HEPHL1: variants seen among roughly 807,000 people sequenced by gnomAD.
HEPHL1 encodes hephaestin like 1, also known as ferroxidase HEPHL1.
Under a neutral mutation model 122.0 loss-of-function variants are expected in HEPHL1, and 123 were observed. The observed-to-expected ratio is 1.01, with a 90% CI of 0.87 to 1.17. HEPHL1 has a LOEUF of 1.17. Among genes scored for constraint, HEPHL1 ranks in the 50% most tolerant of loss-of-function variants. HEPHL1 has a pLI of 0.00. For synonymous variants in HEPHL1, 527 were observed against 508.9 expected (o/e 1.04, Z -0.48); for missense variants, 1,452 against 1,430.5 (o/e 1.01, Z -0.24).
At chr11:94,061,900 G>A (rs553460687) in intron 2 of HEPHL1, among the ~76,000 whole-genome samples, 10 of 152,036 alleles carry the variant, frequency 6.6e-5, no homozygotes, top group Middle Eastern at 3.4e-3. Context: ...TTCTCTTAAT[G>A]AACTAGTAAG....
At chr11:94,093,347 A>G (rs16919934) in intron 12 of HEPHL1, among the ~76,000 whole-genome samples, 154 bp from the exon 13 acceptor site, 3,673 of 152,174 alleles carry the variant, frequency 0.024, 155 homozygotes, top group African/African-American at 0.084. Flanking sequence ...CCTCACTCCC[A>G]GAAAGTATGG....
At chr11:94,039,804 T>G (rs1280309174) in intron 1 of HEPHL1, among the ~76,000 whole-genome samples, 10 of 138,912 alleles carry the variant, frequency 7.2e-5, no homozygotes, top group African/African-American at 1.4e-4. Context: ...ACATCACAAT[T>G]AAAAGAACTA....
At chr11:94,094,737 C>T (rs1354062821) in intron 13 of HEPHL1, among the ~76,000 whole-genome samples, 9 of 152,160 alleles carry the variant, frequency 5.9e-5, no homozygotes, top group Non-Finnish European at 1.2e-4. Context: ...ATTTGCATTT[C>T]TCTGATGGCC....
At chr11:94,086,212 A>C in intron 11 of HEPHL1, 23 bp downstream of exon 11, 25 of 1,559,738 alleles carry the variant, frequency 1.6e-5, no homozygotes, top group Middle Eastern at 1.9e-4. Flanking sequence ...GGTCCATCTC[A>C]GGTGACCAGA....
In HEPHL1 at chr11:94,068,320, C is replaced by T. The variant is rs551998017; in HGVS notation, c.1063+570C>T. ...AATCCCCCCTCGAATTATTTAATTTCGTTTTGAACATCTCTTGTGAGTAGT... is the reference window on the plus strand; with the variant it reads ...AATCCCCCCTCGAATTATTTAATTTTGTTTTGAACATCTCTTGTGAGTAGT... On this transcript the variant is annotated intron_variant, in intron 5 of 19. Coordinates refer to ENST00000315765, the MANE Select transcript of HEPHL1 (RefSeq NM_001098672.2). Among the ~76,000 whole-genome samples, 33 of 152,262 alleles carry T rather than the reference C, an allele frequency of 2.2e-4. 1 individual carries two copies. The South Asian group carries it at 6.0e-3, about 28-fold the overall frequency.
rs1946462351 is a variant in HEPHL1 at position 94,112,831 on chromosome 11, A to C, written c.*937A>C. On this transcript the variant is annotated 3_prime_UTR_variant, in exon 20 of 20. Coordinates refer to ENST00000315765, the MANE Select transcript of HEPHL1 (RefSeq NM_001098672.2). ...TTGGAGTCTGATTTTTCATTCAGTT[A>C]GAGGGAATCTTTACAAGTCCTCATC... 6.6e-6 allele frequency: 1 copy of C among 152,216 alleles called. No homozygotes were observed. The allele number at this position is 152,216 out of a possible 1,614,324, so 9.4% of individuals were successfully genotyped here. A position where few individuals can be genotyped will look rare whatever the true frequency, so the allele number is the denominator to read the frequency against.
intron 13 of HEPHL1, among the ~76,000 whole-genome samples, chr11:94,094,314 CA>C (rs1278946649): frequency 2.0e-5 from 3 of 151,948 alleles, no homozygotes; most frequent in African/African-American, 4.8e-5. Context: ...TATGTCCCTA[CA>C]AAGGACATGA....
intron 2 of HEPHL1, among the ~76,000 whole-genome samples, chr11:94,061,760 T>A (rs1436619516): frequency 6.6e-6 from 1 of 152,212 alleles, no homozygotes; most frequent in African/African-American, 2.4e-5. Flanking sequence ...TTAAAAAGAA[T>A]GTTTTTGCAT....
At chr11:94,090,786 A>G (rs1565359505) in intron 12 of HEPHL1, among the ~76,000 whole-genome samples, 2 of 152,164 alleles carry the variant, frequency 1.3e-5, no homozygotes, top group Admixed American at 1.3e-4. Flanking sequence ...GTAGGAGCCC[A>G]TCTGGTTTTT....
chr11:94,098,140 G>T (rs895200977), intron 13 of HEPHL1, among the ~76,000 whole-genome samples: 7 of 152,176 alleles, frequency 4.6e-5, no homozygotes, highest in East Asian at 1.9e-4. Flanking sequence ...GCATGTTTTT[G>T]CAGTGGCTGG....
At chr11:94,036,635 G>C (rs531286717) in intron 1 of HEPHL1, among the ~76,000 whole-genome samples, 2 of 152,082 alleles carry the variant, frequency 1.3e-5, no homozygotes, top group South Asian at 2.1e-4. Flanking sequence ...AGGAGATTGA[G>C]ACCATCCTGG....
At chr11:94,057,541 T>C (rs1317918647) in intron 2 of HEPHL1, among the ~76,000 whole-genome samples, 1 of 152,150 alleles carries the variant, frequency 6.6e-6, no homozygotes, top group Non-Finnish European at 1.5e-5. Flanking sequence ...TTCTTGAATA[T>C]ATTGTTGAGC....
intron 1 of HEPHL1, among the ~76,000 whole-genome samples, chr11:94,027,250 T>C (rs550596682): frequency 6.6e-6 from 1 of 152,336 alleles, no homozygotes; most frequent in Non-Finnish European, 1.5e-5. Flanking sequence ...TAATCCAGGA[T>C]GATCTCCCCA....
chr11:94,080,051 C>T (rs1946157388), intron 9 of HEPHL1, among the ~76,000 whole-genome samples: 1 of 152,188 alleles, frequency 6.6e-6, no homozygotes, highest in Admixed American at 6.5e-5. Flanking sequence ...AACTATACAA[C>T]AAGGCTACAG....
chr11:94,024,238 T>A (rs1406435752), intron 1 of HEPHL1, among the ~76,000 whole-genome samples: 1 of 152,212 alleles, frequency 6.6e-6, no homozygotes, highest in Non-Finnish European at 1.5e-5. Flanking sequence ...TCCAGAGACC[T>A]AACTTCTAAT....
Position 94,111,028 on chromosome 11 carries a change from TG to T in HEPHL1, c.3173del (p.Gly1058AlafsTer12). The T allele has an allele frequency of 6.2e-7, 1 of 1,606,962 alleles. No individual in the cohort carries two copies. Among genetic ancestry groups the T allele is most frequent in the Non-Finnish European group, 8.5e-7 (1 of 1,176,142 alleles). ...GTCATGTGTCTGACCACATCCATGC[TG>T]GCATGGAGACAACCTACACGGTCCT... is the stretch of plus-strand genomic sequence containing the variant. ...HCHVSDHIHA[G>X]METTYTVLRN... On this transcript the variant is annotated frameshift_variant, in exon 18 of 20. Transcript: ENST00000315765. LOFTEE classifies it high-confidence loss of function.
intron 6 of HEPHL1, among the ~76,000 whole-genome samples, chr11:94,071,368 C>T (rs1946072300): frequency 6.6e-6 from 1 of 151,902 alleles, no homozygotes; most frequent in Admixed American, 6.6e-5. Flanking sequence ...CATACTTTCA[C>T]TCATTATTCT....
intron 10 of HEPHL1, among the ~76,000 whole-genome samples, chr11:94,082,829 G>A (rs896061321): frequency 3.3e-5 from 5 of 152,180 alleles, no homozygotes; most frequent in Non-Finnish European, 7.3e-5. Context: ...AGGCACAGTG[G>A]CTAACACCTG....
chr11:94,072,365 A>T (rs1946081392), intron 6 of HEPHL1, among the ~76,000 whole-genome samples: 1 of 152,108 alleles, frequency 6.6e-6, no homozygotes, highest in Non-Finnish European at 1.5e-5. Context: ...ATAGAAAAGG[A>T]AGAGTGCCAA....
Sources: gnomAD v4.1 joint callset for allele counts (sites outside exome capture counted in the v4.1 genomes callset) on GRCh38, gnomAD v4.1.1 for gene constraint, MANE v1.5 for transcripts, NCBI Gene and HGNC (gene_info 2026-07-23, HGNC 2026-07-21) for gene names.